The following TOX variants were observed in gnomAD, a reference collection of about 807,000 sequenced individuals.
The protein encoded by TOX is thymocyte selection-associated high mobility group box protein TOX.
In TOX, 11 loss-of-function variants were observed where a neutral mutation model predicts 53.7. The observed-to-expected ratio is 0.20, with a 90% CI of 0.13 to 0.34. The LOEUF (loss-of-function observed/expected upper bound fraction) is 0.34, where lower values mean the gene tolerates loss of function less well. Ranked by LOEUF, TOX falls within the 10% of genes least tolerant of loss-of-function variation. The pLI is 1.00. For missense variants in TOX, 570 were observed against 664.6 expected (o/e 0.86, Z 1.56); for synonymous variants, 225 against 245.3 (o/e 0.92, Z 0.77).
At chr8:58,914,735 C>T (rs1811973092) in intron 3 of TOX, among the ~76,000 whole-genome samples, 1 of 151,424 alleles carries the variant, frequency 6.6e-6, no homozygotes. Context: ...TGGTCTACAG[C>T]TCCCAGCGTG....
intron 4 of TOX, among the ~76,000 whole-genome samples, chr8:58,843,477 AT>A (rs1268960526): frequency 3.3e-5 from 5 of 152,216 alleles, no homozygotes; most frequent in Non-Finnish European, 7.4e-5. Flanking sequence ...AAAGATCTCC[AT>A]TTTTTATGAG....
rs183757775 is a variant in TOX at position 59,080,069 on chromosome 8, G to A, written c.102+38817C>T. 4.7e-5 allele frequency among the ~76,000 whole-genome samples: 7 copies of A among 150,450 alleles called. 1 individual carries two copies. Among genetic ancestry groups the A allele is most frequent in the South Asian group, 2.1e-4 (1 of 4,746 alleles). ...GTGATCTTGGCTCACTGCAACCTCC[G>A]CCTCCTGGGTTCAAGTGATTTTCCT... On this transcript the variant is annotated intron_variant, in intron 1 of 8. Coordinates refer to ENST00000361421, the MANE Select transcript of TOX (RefSeq NM_014729.3).
At chr8:58,994,963 T>C (rs7821269) in intron 1 of TOX, among the ~76,000 whole-genome samples, 12,659 of 152,294 alleles carry the variant, frequency 0.083, 665 homozygotes, top group Middle Eastern at 0.17. Context: ...TCATCCATCT[T>C]ACATCATTGT....
At chr8:58,846,088 G>A (rs1357746948) in intron 4 of TOX, among the ~76,000 whole-genome samples, 2 of 152,172 alleles carry the variant, frequency 1.3e-5, no homozygotes, top group Non-Finnish European at 2.9e-5. Flanking sequence ...TCTAGGGTAT[G>A]TCTATATCCT....
At chr8:58,845,542 T>G (rs1285738120) in intron 4 of TOX, among the ~76,000 whole-genome samples, 1 of 152,256 alleles carries the variant, frequency 6.6e-6, no homozygotes, top group East Asian at 1.9e-4. Context: ...ATTTTACAAT[T>G]GGGTTTATTA....
At chr8:58,881,071 G>A (rs1324474409) in intron 3 of TOX, among the ~76,000 whole-genome samples, 2 of 151,978 alleles carry the variant, frequency 1.3e-5, no homozygotes, top group African/African-American at 4.8e-5. Flanking sequence ...GAGGAGGTGG[G>A]GGGTGAGCGG....
At chr8:58,852,382 G>T (rs1810839309) in intron 3 of TOX, among the ~76,000 whole-genome samples, 1 of 152,086 alleles carries the variant, frequency 6.6e-6, no homozygotes, top group South Asian at 2.1e-4. Context: ...CTGATAGGCT[G>T]GTATTAACCA....
chr8:58,961,096 T>C (rs1430426724), intron 1 of TOX, among the ~76,000 whole-genome samples: 1 of 152,190 alleles, frequency 6.6e-6, no homozygotes, highest in Non-Finnish European at 1.5e-5. Flanking sequence ...AAAATGGTGT[T>C]ATATAAGAAC....
chr8:59,072,088 C>T (rs1804206990), intron 1 of TOX, among the ~76,000 whole-genome samples: 1 of 152,156 alleles, frequency 6.6e-6, no homozygotes, highest in South Asian at 2.1e-4. Context: ...CTCCTAGGGA[C>T]CAGCAAGATT....
chr8:59,040,328 C>CAA (rs770561876), intron 1 of TOX, among the ~76,000 whole-genome samples: 21,789 of 80,948 alleles, frequency 0.27, 3,892 homozygotes, highest in Non-Finnish European at 0.39. Context: ...GACTCCGTCT[C>CAA]AAAAAAAAAA....
chr8:58,934,477 C>T (rs922221457), intron 3 of TOX, among the ~76,000 whole-genome samples: 1 of 152,106 alleles, frequency 6.6e-6, no homozygotes, highest in Non-Finnish European at 1.5e-5. Context: ...TTAATACTTA[C>T]AACATGATGA....
At chr8:58,995,630 A>G (rs565369331) in intron 1 of TOX, among the ~76,000 whole-genome samples, 2 of 152,382 alleles carry the variant, frequency 1.3e-5, no homozygotes, top group South Asian at 4.1e-4. Context: ...AAAGTGAGAA[A>G]TACACACAAA....
intron 1 of TOX, among the ~76,000 whole-genome samples, chr8:58,987,120 A>G (rs1415097035): frequency 6.6e-6 from 1 of 152,210 alleles, no homozygotes; most frequent in Non-Finnish European, 1.5e-5. Flanking sequence ...CTCTCCAGTT[A>G]GTGCCTAAGG....
At chr8:58,934,517 A>T (rs1043064341) in intron 3 of TOX, among the ~76,000 whole-genome samples, 4 of 152,210 alleles carry the variant, frequency 2.6e-5, no homozygotes. Context: ...AGGCACAAAA[A>T]GTTACTCACG....
At chr8:59,054,872 C>CA (rs150462874) in intron 1 of TOX, among the ~76,000 whole-genome samples, 9 of 75,520 alleles carry the variant, frequency 1.2e-4, no homozygotes, top group South Asian at 2.9e-4. Flanking sequence ...AAAGAGAAAG[C>CA]AAAAAAAAAG....
At chr8:59,092,598 C>A (rs1019497528) in intron 1 of TOX, among the ~76,000 whole-genome samples, 1 of 151,766 alleles carries the variant, frequency 6.6e-6, no homozygotes, top group Admixed American at 6.6e-5. Flanking sequence ...TAACGTAACT[C>A]AAGAGGAAGG....
At chr8:59,046,184 T>G (rs75393952) in intron 1 of TOX, among the ~76,000 whole-genome samples, 3,333 of 152,290 alleles carry the variant, frequency 0.022, 88 homozygotes, top group South Asian at 0.089. Flanking sequence ...CCACCAAAAC[T>G]ATAATAACAT....
intron 1 of TOX, among the ~76,000 whole-genome samples, chr8:58,964,430 A>G (rs1454152177): frequency 6.6e-6 from 1 of 152,100 alleles, no homozygotes; most frequent in African/African-American, 2.4e-5. Flanking sequence ...ACCCCACCCT[A>G]TCAGGTTAAT....
chr8:58,857,135 G>C (rs1313779721), intron 3 of TOX, among the ~76,000 whole-genome samples: 1 of 152,182 alleles, frequency 6.6e-6, no homozygotes, highest in African/African-American at 2.4e-5. Context: ...ACACTGAATA[G>C]ATGTTTAGGT....
Sources: allele counts gnomAD v4.1 joint callset (sites outside exome capture counted in the v4.1 genomes callset), GRCh38; gene constraint gnomAD v4.1.1; transcripts MANE v1.5; gene names NCBI Gene and HGNC (gene_info 2026-07-23, HGNC 2026-07-21).